Variants in CDK14 observed in about 807,000 individuals in gnomAD.
CDK14 encodes the protein cyclin dependent kinase 14.
CDK14 carries 34 observed loss-of-function variants against 60.7 expected under a neutral mutation model. The ratio of observed to expected loss-of-function variants is 0.56; its 90% confidence interval spans 0.43 to 0.75. The LOEUF is 0.75. Ranked by LOEUF, CDK14 falls within the 30% of genes least tolerant of loss-of-function variation. The probability of loss-of-function intolerance (pLI) is 0.00; values close to 1 mark genes in which losing one functional copy is unlikely to be tolerated. For missense variants in CDK14, 482 were observed against 564.1 expected, an observed-to-expected ratio of 0.85 and a Z score of 1.47; for synonymous variants, 197 against 203.7, an observed-to-expected ratio of 0.97 and a Z score of 0.28.
intron 14 of CDK14, among the ~76,000 whole-genome samples, chr7:91,194,657 A>T (rs909148206): frequency 6.6e-6 from 1 of 152,174 alleles, no homozygotes; most frequent in Non-Finnish European, 1.5e-5. Flanking sequence ...ATACCAACAG[A>T]CTGGAAAACA....
At chr7:90,910,982 G>T (rs1480901356) in intron 7 of CDK14, among the ~76,000 whole-genome samples, 1 of 152,002 alleles carries the variant, frequency 6.6e-6, no homozygotes, top group African/African-American at 2.4e-5. Flanking sequence ...CCCTCTCTGT[G>T]CCCATGTGTT....
chr7:91,147,374 T>C (rs982328157), intron 14 of CDK14, among the ~76,000 whole-genome samples: 3 of 152,100 alleles, frequency 2.0e-5, no homozygotes, highest in African/African-American at 7.2e-5. Context: ...CTTTTAACAC[T>C]TCTCTGATGG....
chr7:91,037,798 C>T (rs1015030957), intron 10 of CDK14, among the ~76,000 whole-genome samples: 1 of 152,210 alleles, frequency 6.6e-6, no homozygotes, highest in East Asian at 1.9e-4. Flanking sequence ...TGCCCAGACG[C>T]TCTTCTCTGA....
rs550522393 is a variant in CDK14, at chr7:91,055,042, A to C, written c.1105+9082A>C. Among the ~76,000 whole-genome samples, 3 of 152,288 alleles carry C rather than the reference A, an allele frequency of 2.0e-5. No homozygotes were observed. In the East Asian group the frequency reaches 5.8e-4, roughly 29 times the overall value. On this transcript the variant is annotated intron_variant, in intron 11 of 14. Coordinates refer to ENST00000380050, the MANE Select transcript of CDK14 (RefSeq NM_001287135.2). ...TCATCTGAAGTGTGAAATCCTCTTG[A>C]TTGGTCATTTCTGCCTGCAGCCCTG...
At chr7:91,202,586 A>G (rs1308705187) in intron 14 of CDK14, among the ~76,000 whole-genome samples, 2 of 152,202 alleles carry the variant, frequency 1.3e-5, no homozygotes, top group Non-Finnish European at 2.9e-5. Flanking sequence ...GCATGATTGC[A>G]TTTAGATTTT....
intron 5 of CDK14, among the ~76,000 whole-genome samples, chr7:90,807,468 G>A (rs563695280): frequency 3.3e-5 from 5 of 152,232 alleles, no homozygotes; most frequent in African/African-American, 9.6e-5. Context: ...CCATCTGTAC[G>A]TCATCATCAT....
chr7:90,806,824 C>T lies in CDK14; in HGVS notation c.544+16172C>T, dbSNP rs541473577. Among the ~76,000 whole-genome samples, 8 of 152,322 alleles carry T rather than the reference C, an allele frequency of 5.3e-5. No homozygotes were observed. The East Asian group carries it at 1.3e-3, about 26-fold the overall frequency. ...AACGGTACACCAGGAGATTATATCC[C>T]GTGCCTGGCTCTGAGGGTCCTACAC... On this transcript the variant is annotated intron_variant, in intron 5 of 14. Transcript: ENST00000380050.
intron 11 of CDK14, among the ~76,000 whole-genome samples, chr7:91,053,712 C>G (rs950836752): frequency 1.3e-5 from 2 of 152,132 alleles, no homozygotes; most frequent in Non-Finnish European, 2.9e-5. Flanking sequence ...TATTGACATT[C>G]TTGGCTTTTC....
At chr7:90,706,312 T>C (rs950031546) in intron 2 of CDK14, among the ~76,000 whole-genome samples, 1 of 152,212 alleles carries the variant, frequency 6.6e-6, no homozygotes, top group African/African-American at 2.4e-5. Flanking sequence ...GGTGTCTACA[T>C]GCTTGTTGAG....
chr7:90,658,025 T>A (rs1487290083), intron 2 of CDK14, among the ~76,000 whole-genome samples: 1 of 152,088 alleles, frequency 6.6e-6, no homozygotes, highest in Non-Finnish European at 1.5e-5. Context: ...TTTGTCTGAC[T>A]TTTTTTATAA....
intron 4 of CDK14, among the ~76,000 whole-genome samples, chr7:90,785,396 T>C (rs924585923): frequency 6.6e-6 from 1 of 152,236 alleles, no homozygotes; most frequent in African/African-American, 2.4e-5. Flanking sequence ...AAGTTCTCTT[T>C]AAGCATCATC....
At chr7:90,949,349 C>T (rs971724750) in intron 8 of CDK14, among the ~76,000 whole-genome samples, 3 of 151,750 alleles carry the variant, frequency 2.0e-5, no homozygotes, top group African/African-American at 7.3e-5. Flanking sequence ...TACAGGCGCC[C>T]GCCACCACAC....
chr7:90,663,364 A>C (rs962002429), intron 2 of CDK14, among the ~76,000 whole-genome samples: 1 of 152,274 alleles, frequency 6.6e-6, no homozygotes, highest in East Asian at 1.9e-4. Flanking sequence ...GTAGATACTT[A>C]GTAAGGAACT....
At chr7:90,609,656 C>A (rs1799495852) in intron 2 of CDK14, among the ~76,000 whole-genome samples, 1 of 152,152 alleles carries the variant, frequency 6.6e-6, no homozygotes, top group Non-Finnish European at 1.5e-5. Context: ...ACTAGGATTC[C>A]TGTACATCCT....
chr7:90,726,315 C>G (rs1802630120), intron 2 of CDK14: 1 of 983,598 alleles, frequency 1.0e-6, no homozygotes, highest in Non-Finnish European at 1.2e-6. Flanking sequence ...CTACTAGCAG[C>G]CTGGGCCTTA....
chr7:90,921,679 A>AGAGACAGCGAGAATTC (rs1424529859), intron 8 of CDK14, among the ~76,000 whole-genome samples: 1 of 152,166 alleles, frequency 6.6e-6, no homozygotes, highest in Admixed American at 6.5e-5. Context: ...CCCGAGAATG[A>AGAGACAGCGAGAATTC]GAGACAGCGA....
At chr7:90,618,420 C>T (rs1584744860) in intron 2 of CDK14, among the ~76,000 whole-genome samples, 1 of 152,072 alleles carries the variant, frequency 6.6e-6, no homozygotes, top group East Asian at 1.9e-4. Context: ...TTTCTTCTTT[C>T]CTTTTTCTTT....
chr7:91,042,048 G>C (rs908532262), intron 10 of CDK14, among the ~76,000 whole-genome samples: 5 of 152,126 alleles, frequency 3.3e-5, no homozygotes, highest in African/African-American at 1.2e-4. Context: ...ATCACAAAAA[G>C]GTAGCATGTA....
chr7:91,005,174 G>A (rs1343878663), intron 10 of CDK14, among the ~76,000 whole-genome samples: 1 of 152,252 alleles, frequency 6.6e-6, no homozygotes, highest in Non-Finnish European at 1.5e-5. Flanking sequence ...TTGGTGGGCA[G>A]GGCATTGTGA....
Sources: gnomAD v4.1 joint callset for allele counts (sites outside exome capture counted in the v4.1 genomes callset) on GRCh38, gnomAD v4.1.1 for gene constraint, MANE v1.5 for transcripts, NCBI Gene and HGNC (gene_info 2026-07-23, HGNC 2026-07-21) for gene names.